Variants in CADM2 observed in about 807,000 individuals in gnomAD.
CADM2 encodes the protein cell adhesion molecule 2, also known as immunoglobulin superfamily member 4D.
In CADM2, 12 loss-of-function variants were observed where a neutral mutation model predicts 49.8. The observed-to-expected ratio is 0.24, with a 90% CI of 0.15 to 0.39. The LOEUF is 0.39. CADM2 is among the 10% of genes least tolerant of loss of function. CADM2 has a pLI of 1.00. For synonymous variants in CADM2, 214 were observed against 175.4 expected (o/e 1.22, Z -1.74); for missense variants, 378 against 492.3 (o/e 0.77, Z 2.20).
At chr3:85,314,279 T>G (rs1331268832) in intron 1 of CADM2, among the ~76,000 whole-genome samples, 1 of 152,198 alleles carries the variant, frequency 6.6e-6, no homozygotes, top group African/African-American at 2.4e-5. Flanking sequence ...ATATGTATTT[T>G]TATTAATGTA....
intron 1 of CADM2, among the ~76,000 whole-genome samples, chr3:85,661,017 T>G (rs2065386329): frequency 6.6e-6 from 1 of 152,140 alleles, no homozygotes; most frequent in South Asian, 2.1e-4. Flanking sequence ...TTAAATGAGA[T>G]TTTAAGAATT....
chr3:85,021,133 A>AG (rs1559620930), intron 1 of CADM2, among the ~76,000 whole-genome samples: 6 of 140,856 alleles, frequency 4.3e-5, no homozygotes, highest in South Asian at 2.3e-4. Context: ...AAAAAAAAAA[A>AG]GGGGGAAAAA....
At chr3:85,510,085 G>A (rs779533830) in intron 1 of CADM2, among the ~76,000 whole-genome samples, 1 of 151,782 alleles carries the variant, frequency 6.6e-6, no homozygotes, top group East Asian at 1.9e-4. Context: ...AGAAAGAAAA[G>A]AAATACTTAT....
chr3:85,469,836 C>A lies in CADM2; in HGVS notation c.62-256686C>A, dbSNP rs569998434. ...ACAAAAGTGTTGCAGGTGCCTACAA[C>A]TCTATCTGGCACGTGGGAGGTGCCC... On this transcript the variant is annotated intron_variant, in intron 1 of 9. Coordinates refer to ENST00000383699, the MANE Select transcript of CADM2 (RefSeq NM_001167675.2). Among the ~76,000 whole-genome samples the A allele has an allele frequency of 2.0e-5, 3 of 152,272 alleles. No individual in the cohort carries two copies. In the East Asian group the frequency reaches 5.8e-4, roughly 29 times the overall value.
intron 1 of CADM2, among the ~76,000 whole-genome samples, chr3:85,697,847 G>A (rs556413819): frequency 5.6e-4 from 85 of 152,202 alleles, no homozygotes; most frequent in African/African-American, 1.9e-3. Flanking sequence ...TTATGTAAGC[G>A]GGAAAAACAG....
At chr3:85,364,493 C>T (rs981175900) in intron 1 of CADM2, among the ~76,000 whole-genome samples, 3 of 152,152 alleles carry the variant, frequency 2.0e-5, no homozygotes, top group Admixed American at 6.5e-5. Context: ...CATAAGAGCT[C>T]GTTATTAGTG....
At chr3:85,156,433 G>C (rs1042290275) in intron 1 of CADM2, among the ~76,000 whole-genome samples, 131 of 152,214 alleles carry the variant, frequency 8.6e-4, no homozygotes, top group Non-Finnish European at 2.4e-4. Flanking sequence ...GGAAGAAGTT[G>C]AATCTCTGAA....
chr3:85,670,636 G>A (rs906658317), intron 1 of CADM2, among the ~76,000 whole-genome samples: 1 of 152,094 alleles, frequency 6.6e-6, no homozygotes, highest in Non-Finnish European at 1.5e-5. Flanking sequence ...ATAGCAGTAA[G>A]AGCTAAACTT....
chr3:85,713,257 G>A (rs539195865), intron 1 of CADM2, among the ~76,000 whole-genome samples: 1 of 152,098 alleles, frequency 6.6e-6, no homozygotes, highest in East Asian at 1.9e-4. Context: ...GCTGCCACGC[G>A]GGACTAATTT....
chr3:85,060,378 C>A (rs2036261218), intron 1 of CADM2, among the ~76,000 whole-genome samples: 1 of 152,064 alleles, frequency 6.6e-6, no homozygotes, highest in South Asian at 2.1e-4. Context: ...CCACCCGCCT[C>A]AATCTCCCAA....
intron 2 of CADM2, among the ~76,000 whole-genome samples, chr3:85,787,762 C>A (rs1376112207): frequency 6.6e-6 from 1 of 152,050 alleles, no homozygotes; most frequent in African/African-American, 2.4e-5. Context: ...AATGTCTTGC[C>A]GTTGTGTGTA....
chr3:86,024,074 T>G (rs1438770757), intron 8 of CADM2, among the ~76,000 whole-genome samples: 2 of 152,206 alleles, frequency 1.3e-5, no homozygotes, highest in Non-Finnish European at 2.9e-5. Flanking sequence ...TTTGATCAAC[T>G]GAATCGCATT....
intron 3 of CADM2, among the ~76,000 whole-genome samples, chr3:85,853,386 T>G (rs57153235): frequency 0.31 from 46,351 of 151,886 alleles, 7,284 homozygotes; most frequent in East Asian, 0.46. Flanking sequence ...TATTTATGTA[T>G]TTTAAGTATT....
intron 1 of CADM2, among the ~76,000 whole-genome samples, chr3:85,432,675 C>G (rs2036736460): frequency 1.3e-5 from 2 of 152,086 alleles, no homozygotes; most frequent in Non-Finnish European, 2.9e-5. Flanking sequence ...TCCAGTCCTG[C>G]AAATACTGGT....
chr3:85,336,527 T>A (rs192346461), intron 1 of CADM2, among the ~76,000 whole-genome samples: 1 of 151,502 alleles, frequency 6.6e-6, no homozygotes, highest in Admixed American at 6.6e-5. Flanking sequence ...TGATTCAAAA[T>A]TATAATAACA....
chr3:85,571,331 T>G (rs59417256), intron 1 of CADM2, among the ~76,000 whole-genome samples: 77,945 of 150,812 alleles, frequency 0.52, 23,033 homozygotes, highest in East Asian at 0.85. Flanking sequence ...TTCCAGTTGA[T>G]TTATAAAACT....
At chr3:85,097,031 G>T (rs1475309441) in intron 1 of CADM2, among the ~76,000 whole-genome samples, 3 of 151,988 alleles carry the variant, frequency 2.0e-5, no homozygotes, top group Admixed American at 6.6e-5. Flanking sequence ...TAAGTTTTAG[G>T]ATACATGTGC....
At chr3:85,721,927 A>G (rs1243505630) in intron 1 of CADM2, among the ~76,000 whole-genome samples, 2 of 152,164 alleles carry the variant, frequency 1.3e-5, no homozygotes, top group South Asian at 2.1e-4. Flanking sequence ...AGAAACATGG[A>G]GGGTGAGCAA....
At chr3:85,798,293 T>C (rs984181007) in intron 2 of CADM2, among the ~76,000 whole-genome samples, 2 of 152,206 alleles carry the variant, frequency 1.3e-5, no homozygotes, top group Non-Finnish European at 2.9e-5. Context: ...TTTGTTAATT[T>C]TGGCTTTTGT....
Sources: gnomAD v4.1 joint callset for allele counts (sites outside exome capture counted in the v4.1 genomes callset) on GRCh38, gnomAD v4.1.1 for gene constraint, MANE v1.5 for transcripts, NCBI Gene and HGNC (gene_info 2026-07-23, HGNC 2026-07-21) for gene names.